BCAS4: variants seen among roughly 807,000 people sequenced by gnomAD.
BCAS4 encodes breast carcinoma-amplified sequence 4.
In BCAS4, 9 loss-of-function variants were observed where a neutral mutation model predicts 15.7. The ratio of observed to expected loss-of-function variants is 0.57; its 90% CI spans 0.34 to 1.00. The LOEUF (loss-of-function observed/expected upper bound fraction) is 1.00. Ranked by LOEUF, BCAS4 falls within the 50% of genes least tolerant of loss-of-function variation. The pLI is 0.02. For missense variants in BCAS4, 225 were observed against 239.1 expected, an observed-to-expected ratio of 0.94 and a Z score of 0.39; for synonymous variants, 101 against 99.5, an observed-to-expected ratio of 1.02 and a Z score of -0.09.
chr20:50,834,926 T>C (rs938131951), intron 3 of BCAS4, among the ~76,000 whole-genome samples: 5 of 152,252 alleles, frequency 3.3e-5, no homozygotes, highest in African/African-American at 1.2e-4. Flanking sequence ...GGTATATGGC[T>C]GGACCATACT....
chr20:50,844,786 C>T (rs886769626), intron 4 of BCAS4, among the ~76,000 whole-genome samples: 3 of 152,124 alleles, frequency 2.0e-5, no homozygotes, highest in African/African-American at 7.2e-5. Context: ...CTGGGACCTG[C>T]ACCCTCTCCT....
chr20:50,859,565 C>T (rs1171041460), intron 4 of BCAS4, among the ~76,000 whole-genome samples: 2 of 129,706 alleles, frequency 1.5e-5, no homozygotes, highest in Non-Finnish European at 3.1e-5. Context: ...AGGGAGTAGG[C>T]TCTGGGGCCA....
intron 4 of BCAS4, among the ~76,000 whole-genome samples, chr20:50,864,920 C>T (rs1421350415): frequency 6.6e-6 from 1 of 151,340 alleles, no homozygotes; most frequent in African/African-American, 2.4e-5. Context: ...ATGGTGAAAC[C>T]CCGTCTCTAC....
At chr20:50,868,320 C>G (rs922911611) in intron 4 of BCAS4, among the ~76,000 whole-genome samples, 1 of 152,238 alleles carries the variant, frequency 6.6e-6, no homozygotes, top group Non-Finnish European at 1.5e-5. Context: ...GGGGCAGATG[C>G]AGACAAACAA....
intron 4 of BCAS4, among the ~76,000 whole-genome samples, chr20:50,871,271 C>A (rs1328763768): frequency 6.6e-6 from 1 of 152,228 alleles, no homozygotes. Context: ...GCGACTCCTC[C>A]CTTGCAGGCT....
At chr20:50,879,760 A>AG (rs1205480726), downstream of BCAS4, 2 of 152,300 alleles carry the variant, frequency 1.3e-5, no homozygotes, top group African/African-American at 2.4e-5. Flanking sequence ...CCCTGAGGTT[A>AG]GCCTGCCTGG....
chr20:50,826,779 G>C (rs950843645), intron 2 of BCAS4, among the ~76,000 whole-genome samples: 1 of 152,170 alleles, frequency 6.6e-6, no homozygotes, highest in Middle Eastern at 3.4e-3. Flanking sequence ...GACCAGCCTG[G>C]ACATCACAGT....
At chr20:50,809,398 G>A (rs552741155) in intron 1 of BCAS4, among the ~76,000 whole-genome samples, 2 of 151,986 alleles carry the variant, frequency 1.3e-5, no homozygotes, top group Non-Finnish European at 2.9e-5. Flanking sequence ...TAGTAGAGAC[G>A]TGGTTTCACC....
At position 50,818,292 on chromosome 20, in the gene BCAS4, T is replaced by TGCCTGGAAGGTGTGGGTTTAG. The variant is rs2088166260; in HGVS notation, c.162+20_162+21insTGTGGGTTTAGGCCTGGAAGG. Reference sequence around the variant, plus strand: ...CAGCCTGGCTGACCTGGTGAGTGGCTGCCTGGAAGGCGTGGGTTTAGGCCC... The same window carrying TGCCTGGAAGGTGTGGGTTTAG: ...CAGCCTGGCTGACCTGGTGAGTGGCTGCCTGGAAGGTGTGGGTTTAGGCCTGGAAGGCGTGGGTTTAGGCCC... On this transcript the variant is annotated intron_variant, in intron 2 of 4. Coordinates refer to ENST00000371608, the MANE Select transcript of BCAS4 (RefSeq NM_198799.4). 1.9e-6 allele frequency: 3 copies of TGCCTGGAAGGTGTGGGTTTAG among 1,606,600 alleles called. No homozygotes were observed. The highest frequency in any genetic ancestry group is 2.5e-6 in the Non-Finnish European group (3 of 1,176,568).
intron 1 of BCAS4, among the ~76,000 whole-genome samples, chr20:50,798,350 G>T (rs1355325046): frequency 6.6e-6 from 1 of 151,778 alleles, no homozygotes; most frequent in Non-Finnish European, 1.5e-5. Context: ...AAAAGAAACA[G>T]GTGAAATTAA....
chr20:50,860,200 C>T (rs1162654326), intron 4 of BCAS4, among the ~76,000 whole-genome samples: 1 of 152,140 alleles, frequency 6.6e-6, no homozygotes, highest in East Asian at 1.9e-4. Context: ...TGCTTCAAAA[C>T]CATAGCACAA....
intron 4 of BCAS4, among the ~76,000 whole-genome samples, chr20:50,843,017 A>G (rs1568673090): frequency 6.6e-6 from 1 of 152,166 alleles, no homozygotes; most frequent in Non-Finnish European, 1.5e-5. Flanking sequence ...ACTGGAATGC[A>G]GGTGTGATCC....
chr20:50,853,844 GCACTGTAGATGTTTTGTA>G lies in BCAS4; in HGVS notation c.399+11945_399+11962del, dbSNP rs528361371. On this transcript the variant is annotated intron_variant, in intron 4 of 4. Transcript: ENST00000371608. ...TTTTGTGTACTGGGGGGTGTTTTGT[GCACTGTAGATGTTTTGTA>G]TACTCGGGGATGTTTTGTGCACTGG... Among the ~76,000 whole-genome samples the G allele has an allele frequency of 4.5e-3, 553 of 123,824 alleles. 73 individuals carry two copies. Among genetic ancestry groups the G allele is most frequent in the African/African-American group, 0.018 (518 of 28,320 alleles). 81.2% of individuals were successfully genotyped at this position (123,824 alleles called of 152,430 possible).
Position 50,830,185 on chromosome 20 carries a change from T to C in BCAS4, c.163-94T>C, listed in dbSNP as rs529311368. The C allele has an allele frequency of 5.5e-4, 523 of 953,652 alleles. 10 individuals are homozygous for C. The South Asian group carries it at 6.3e-3, about 12-fold the overall frequency. The allele number at this position is 953,652 out of a possible 1,614,324, so 59.1% of individuals were successfully genotyped here. On this transcript the variant is annotated intron_variant, in intron 2 of 4. Transcript: ENST00000371608. ...ATGCCACCTGGCACCTCAGCCATCA[T>C]TGGGGTCTGTGTAGACCCTGGCCAA...
chr20:50,838,045 C>CA (rs1433523293), intron 3 of BCAS4, among the ~76,000 whole-genome samples: 1 of 151,118 alleles, frequency 6.6e-6, no homozygotes, highest in East Asian at 2.0e-4. Context: ...TTCAGCCTTT[C>CA]AGCCCTGCTA....
chr20:50,830,245 C>A, intron 2 of BCAS4, 34 bp from the exon 3 acceptor site: 1 of 1,563,672 alleles, frequency 6.4e-7, no homozygotes, highest in South Asian at 1.1e-5. Context: ...AGTGATGGGG[C>A]AGAAGGCCTG....
At chr20:50,867,245 A>G (rs6020805) in intron 4 of BCAS4, among the ~76,000 whole-genome samples, 1 of 152,016 alleles carries the variant, frequency 6.6e-6, no homozygotes, top group Non-Finnish European at 1.5e-5. Context: ...CCCATACTAC[A>G]TTCAGTCATC....
intron 2 of BCAS4, among the ~76,000 whole-genome samples, chr20:50,818,950 A>C (rs1040639545): frequency 1.3e-5 from 2 of 152,156 alleles, no homozygotes; most frequent in African/African-American, 4.8e-5. Flanking sequence ...TGGGAGGCCA[A>C]AGCGGGCAGA....
At chr20:50,818,131 TTAA>T in intron 1 of BCAS4, 77 bp from the exon 2 acceptor site, 3 of 1,268,610 alleles carry the variant, frequency 2.4e-6, no homozygotes, top group Non-Finnish European at 3.3e-6. Flanking sequence ...TTAGTTTGCT[TTAA>T]AAAAAAAAAA....
Sources: gnomAD v4.1 joint callset for allele counts (sites outside exome capture counted in the v4.1 genomes callset) on GRCh38, gnomAD v4.1.1 for gene constraint, MANE v1.5 for transcripts, NCBI Gene and HGNC (gene_info 2026-07-23, HGNC 2026-07-21) for gene names.